The following PTPRM variants were observed in gnomAD, a reference collection of about 807,000 sequenced individuals.
PTPRM encodes the protein protein tyrosine phosphatase receptor type M, also known as receptor-type tyrosine-protein phosphatase mu.
A neutral mutation model predicts 186.7 loss-of-function variants in PTPRM; 47 were observed. The observed-to-expected ratio is 0.25, with a 90% CI of 0.20 to 0.32. The LOEUF (loss-of-function observed/expected upper bound fraction) is 0.32. Ranked by LOEUF, PTPRM falls within the 10% of genes least tolerant of loss-of-function variation. The pLI is 1.00. For synonymous variants in PTPRM, 668 were observed against 674.9 expected, an observed-to-expected ratio of 0.99 and a Z score of 0.16; for missense variants, 1,494 against 1,865.0, an observed-to-expected ratio of 0.80 and a Z score of 3.66.
At chr18:7,799,800 C>A (rs1434935195) in intron 2 of PTPRM, among the ~76,000 whole-genome samples, 3 of 152,034 alleles carry the variant, frequency 2.0e-5, no homozygotes, top group Non-Finnish European at 1.5e-5. Context: ...GTTACAAATT[C>A]TTTAAGGTTT....
chr18:7,744,864 T>G (rs1158980789), intron 1 of PTPRM, among the ~76,000 whole-genome samples: 1 of 152,206 alleles, frequency 6.6e-6, no homozygotes, highest in East Asian at 1.9e-4. Context: ...ATTTAAATTC[T>G]TAACTCTAGT....
intron 5 of PTPRM, among the ~76,000 whole-genome samples, chr18:7,927,047 C>G (rs772272832): frequency 6.6e-6 from 1 of 151,998 alleles, no homozygotes; most frequent in Non-Finnish European, 1.5e-5. Context: ...CACATACACA[C>G]CACAGAACAC....
intron 17 of PTPRM, 189 bp downstream of exon 17, chr18:8,248,365 A>C (rs2094497294): frequency 1.4e-6 from 1 of 692,320 alleles, no homozygotes. Flanking sequence ...CGCCATTAAT[A>C]AGAGGGGTTT....
At chr18:8,183,846 G>A (rs2093609287) in intron 14 of PTPRM, among the ~76,000 whole-genome samples, 1 of 152,180 alleles carries the variant, frequency 6.6e-6, no homozygotes, top group Non-Finnish European at 1.5e-5. Context: ...AGTCTAGGTG[G>A]AACCGGCCTG....
intron 13 of PTPRM, among the ~76,000 whole-genome samples, chr18:8,123,731 T>C (rs1016065538): frequency 6.6e-6 from 1 of 152,178 alleles, no homozygotes; most frequent in Admixed American, 6.5e-5. Flanking sequence ...CCTTGACCTT[T>C]CAGGACTGGC....
intron 22 of PTPRM, among the ~76,000 whole-genome samples, chr18:8,340,642 A>G (rs533514744): frequency 8.5e-5 from 13 of 152,342 alleles, no homozygotes; most frequent in African/African-American, 2.9e-4. Flanking sequence ...ACAGGATTCC[A>G]TGATTCACAG....
intron 31 of PTPRM, among the ~76,000 whole-genome samples, chr18:8,394,003 A>G (rs2095832577): frequency 6.6e-6 from 1 of 152,160 alleles, no homozygotes; most frequent in Non-Finnish European, 1.5e-5. Flanking sequence ...GTGTTTAGCC[A>G]GGAAGGTCTC....
At chr18:8,126,021 A>T (rs1347429146) in intron 13 of PTPRM, among the ~76,000 whole-genome samples, 8,547 of 37,330 alleles carry the variant, frequency 0.23, 1,225 homozygotes, top group African/African-American at 0.28. Flanking sequence ...ATATATATAT[A>T]TATATATTTT....
chr18:7,672,577 A>T (rs890333241), intron 1 of PTPRM, among the ~76,000 whole-genome samples: 4 of 152,328 alleles, frequency 2.6e-5, no homozygotes, highest in Admixed American at 2.0e-4. Flanking sequence ...TGCCAAATAG[A>T]GTGACATTTG....
chr18:8,381,145 G>A (rs2095732492), intron 29 of PTPRM, among the ~76,000 whole-genome samples: 1 of 152,132 alleles, frequency 6.6e-6, no homozygotes, highest in Non-Finnish European at 1.5e-5. Flanking sequence ...TAGTAATGGA[G>A]TTAGACACAT....
intron 14 of PTPRM, among the ~76,000 whole-genome samples, chr18:8,242,763 G>A (rs1046164989): frequency 6.6e-6 from 1 of 152,290 alleles, no homozygotes; most frequent in Non-Finnish European, 1.5e-5. Flanking sequence ...GTGTCATTTA[G>A]AAATGGTAAT....
Position 8,406,186 on chromosome 18 carries a change from A to G in PTPRM, c.*24A>G, listed in dbSNP as rs1331888131. 1 of 1,607,132 alleles carries G rather than the reference A, an allele frequency of 6.2e-7. No homozygotes were observed. Among genetic ancestry groups the G allele is most frequent in the Non-Finnish European group, 8.5e-7 (1 of 1,174,188 alleles). On this transcript the variant is annotated 3_prime_UTR_variant, in exon 33 of 33. Transcript: ENST00000580170. Reference sequence around the variant, plus strand: ...GATGGTGTAAACAGCTCTGCAAACAATCCCTTTCATACCACAAAGCCAAGA... The same window carrying G: ...GATGGTGTAAACAGCTCTGCAAACAGTCCCTTTCATACCACAAAGCCAAGA...
intron 14 of PTPRM, among the ~76,000 whole-genome samples, chr18:8,242,988 G>A (rs974785782): frequency 2.6e-5 from 4 of 152,158 alleles, no homozygotes; most frequent in Admixed American, 2.6e-4. Flanking sequence ...TAGTATATTT[G>A]GTATTATCGT....
At chr18:8,033,225 A>C (rs2086104726) in intron 7 of PTPRM, among the ~76,000 whole-genome samples, 1 of 152,216 alleles carries the variant, frequency 6.6e-6, no homozygotes, top group East Asian at 1.9e-4. Flanking sequence ...GGATTATAAC[A>C]GGCAATTTGT....
intron 1 of PTPRM, among the ~76,000 whole-genome samples, chr18:7,601,542 C>A (rs1301972819): frequency 1.3e-5 from 2 of 152,220 alleles, no homozygotes; most frequent in Admixed American, 1.3e-4. Flanking sequence ...CGAGCCTTGG[C>A]TCATAGCTGC....
chr18:7,816,560 A>AT (rs1246374926), intron 2 of PTPRM, among the ~76,000 whole-genome samples: 1 of 152,096 alleles, frequency 6.6e-6, no homozygotes, highest in East Asian at 1.9e-4. Flanking sequence ...TGTGAGGTCA[A>AT]TTTTTTTAAT....
At chr18:7,720,649 C>T (rs1325767044) in intron 1 of PTPRM, among the ~76,000 whole-genome samples, 3 of 152,178 alleles carry the variant, frequency 2.0e-5, no homozygotes, top group Non-Finnish European at 4.4e-5. Context: ...CCCCATCCCC[C>T]AGCCACCGGA....
intron 19 of PTPRM, 114 bp downstream of exon 19, chr18:8,253,528 C>A: frequency 1.0e-6 from 1 of 991,644 alleles, no homozygotes; most frequent in Non-Finnish European, 1.3e-6. Flanking sequence ...CGAGAGATGC[C>A]AGAAAGAGAT....
intron 2 of PTPRM, among the ~76,000 whole-genome samples, chr18:7,816,938 A>T (rs1333012921): frequency 6.6e-6 from 1 of 151,970 alleles, no homozygotes; most frequent in African/African-American, 2.4e-5. Flanking sequence ...TCTCTTTGAG[A>T]AGAAAACGTC....
Sources: gnomAD v4.1 joint callset for allele counts (sites outside exome capture counted in the v4.1 genomes callset) on GRCh38, gnomAD v4.1.1 for gene constraint, MANE v1.5 for transcripts, NCBI Gene and HGNC (gene_info 2026-07-23, HGNC 2026-07-21) for gene names.